The following ZNF76 variants were observed in gnomAD, a reference collection of about 807,000 sequenced individuals.
The protein encoded by ZNF76 is zinc finger protein 523.
Under a neutral mutation model 66.9 loss-of-function variants are expected in ZNF76, and 66 were observed. The ratio of observed to expected loss-of-function variants is 0.99; its 90% CI spans 0.81 to 1.21. The LOEUF is 1.21. Among genes scored for constraint, ZNF76 ranks in the 50% most tolerant of loss-of-function variants. The pLI, the probability that ZNF76 is intolerant of heterozygous loss-of-function variation, is 0.00. For missense variants in ZNF76, 729 were observed against 760.3 expected, an observed-to-expected ratio of 0.96 and a Z score of 0.48; for synonymous variants, 275 against 296.1, an observed-to-expected ratio of 0.93 and a Z score of 0.73.
chr6:35,268,859 C>T (rs1786555030), intron 1 of ZNF76, among the ~76,000 whole-genome samples: 1 of 152,068 alleles, frequency 6.6e-6, no homozygotes, highest in African/African-American at 2.4e-5. Context: ...TGGCCCTAAC[C>T]TGTTTTGAGT....
chr6:35,276,204 A>G (rs1787871758), intron 1 of ZNF76, among the ~76,000 whole-genome samples: 4 of 152,364 alleles, frequency 2.6e-5, no homozygotes, highest in South Asian at 4.1e-4. Flanking sequence ...TGATAAAAAT[A>G]AATATTAGCA....
chr6:35,286,397 G>A lies in ZNF76; in HGVS notation c.230G>A (p.Arg77Lys). The change falls in exon 4 of 14, where the codon AGA (arginine) becomes AAA (lysine). Residue 77 changes from arginine to lysine, a missense_variant and splice_region_variant. Physicochemically the swap from Arg to Lys is conservative, Grantham distance 26. Coordinates refer to ENST00000373953, the MANE Select transcript of ZNF76 (RefSeq NM_003427.5). ...ATGGCTTACATACACCGCACACCCA[G>A]AGGTAGGGTCACCATCATCACAACT... Reference protein sequence around the residue: ...GSMAYIHRTPREGYDPSTLEA... With the variant: ...GSMAYIHRTPKEGYDPSTLEA... 6.2e-7 allele frequency: 1 copy of A among 1,613,982 alleles called. No homozygotes were observed. Among genetic ancestry groups the A allele is most frequent in the Non-Finnish European group, 8.5e-7 (1 of 1,179,998 alleles).
chr6:35,270,323 G>C (rs535272273), intron 1 of ZNF76: 1 of 151,886 alleles, frequency 6.6e-6, no homozygotes, highest in African/African-American at 2.4e-5. Context: ...TTTTAGTAGA[G>C]ATGGGGTTTC....
chr6:35,262,367 T>TA (rs2150333242), intron 1 of ZNF76, among the ~76,000 whole-genome samples: 1 of 152,344 alleles, frequency 6.6e-6, no homozygotes, highest in Admixed American at 6.5e-5. Context: ...GTGACCTTCC[T>TA]ACTGCCATTT....
intron 1 of ZNF76, among the ~76,000 whole-genome samples, chr6:35,271,317 A>G (rs981041688): frequency 2.4e-4 from 37 of 152,384 alleles, no homozygotes; most frequent in African/African-American, 8.7e-4. Flanking sequence ...TCCCACCACC[A>G]GCAATGTATG....
intron 1 of ZNF76, among the ~76,000 whole-genome samples, chr6:35,280,516 T>TCCCCCCCC (rs5875514): frequency 1.5e-4 from 15 of 97,630 alleles, no homozygotes; most frequent in African/African-American, 1.8e-4. Flanking sequence ...TCAAGCATGA[T>TCCCCCCCC]CCCCCCCCCC....
In ZNF76 at chr6:35,287,656, C is replaced by T; in HGVS notation, c.243C>T (p.Asp81=). 6.2e-7 allele frequency: 1 copy of T among 1,611,878 alleles called. No homozygotes were observed. The highest frequency in any genetic ancestry group is 8.5e-7 in the Non-Finnish European group (1 of 1,178,762). ...GCGTGTTCCCTGCAGAAGGCTATGA[C>T]CCCAGCACCCTGGAAGCCGTCCAAC... The part of the protein sequence containing the change: ...YIHRTPREGY[D]PSTLEAVQLE... The change falls in exon 5 of 14, where the codon GAC becomes GAT. Residue 81 remains aspartate, a synonymous_variant. Coordinates refer to ENST00000373953, the MANE Select transcript of ZNF76 (RefSeq NM_003427.5). This position sits in a 1 kb window ranked among gnomAD's most constrained non-coding sequence, Gnocchi z 4.0.
intron 5 of ZNF76, 88 bp from the exon 6 acceptor site, chr6:35,290,178 G>T: frequency 6.4e-7 from 1 of 1,558,162 alleles, no homozygotes; most frequent in Non-Finnish European, 8.7e-7. Flanking sequence ...AACCCTGCCT[G>T]TTGGGTCTTA....
Position 35,290,391 on chromosome 6 carries a change from G to T in ZNF76, c.549+9G>T, listed in dbSNP as rs1192224544. 6.2e-7 allele frequency: 1 copy of T among 1,613,200 alleles called. No homozygotes were observed. Among genetic ancestry groups the T allele is most frequent in the Non-Finnish European group, 8.5e-7 (1 of 1,179,410 alleles). ...CCGCTCATCACTTAAAGGTAAGGTT[G>T]CTGGCAGACAGCCGTCAGCTCTGCA... On this transcript the variant is annotated intron_variant, in intron 6 of 13. Transcript: ENST00000373953.
chr6:35,292,509 T>G lies in ZNF76; in HGVS notation c.932-45T>G. 5 of 1,546,816 alleles carry G rather than the reference T, an allele frequency of 3.2e-6. No individual in the cohort carries two copies. Among genetic ancestry groups the G allele is most frequent in the Non-Finnish European group, 3.5e-6 (4 of 1,132,094 alleles). On this transcript the variant is annotated intron_variant, in intron 9 of 13. Transcript: ENST00000373953. The surrounding 1 kb of genome is among the most constrained non-coding windows in gnomAD (Gnocchi z 4.7). ...CACCCCTGTCCCCTTAGTTTCCCCC[T>G]TGCCAGCCCCAGTTCCCACCCCCCT...
chr6:35,277,941 G>A (rs1039261509), intron 1 of ZNF76, among the ~76,000 whole-genome samples: 2 of 151,988 alleles, frequency 1.3e-5, no homozygotes, highest in Non-Finnish European at 1.5e-5. Context: ...CTCACTGCAA[G>A]CTCCGCCTCC....
At chr6:35,266,013 A>G (rs183639270) in intron 1 of ZNF76, among the ~76,000 whole-genome samples, 23 of 152,338 alleles carry the variant, frequency 1.5e-4, no homozygotes, top group Admixed American at 1.2e-3. Flanking sequence ...AGTCTAAACA[A>G]GAGAAGTTGG....
At chr6:35,289,453 T>C (rs1175402020) in intron 5 of ZNF76, among the ~76,000 whole-genome samples, 1 of 152,196 alleles carries the variant, frequency 6.6e-6, no homozygotes, top group African/African-American at 2.4e-5. Flanking sequence ...CCCTGCTCAC[T>C]GTAACTTGTA....
intron 1 of ZNF76, among the ~76,000 whole-genome samples, chr6:35,276,972 T>C (rs1482053500): frequency 6.6e-6 from 1 of 150,982 alleles, no homozygotes; most frequent in African/African-American, 2.4e-5. Context: ...TATTTTTTTT[T>C]TTTTTTAGCA....
chr6:35,288,905 T>G (rs1489212326), intron 5 of ZNF76, among the ~76,000 whole-genome samples: 2 of 149,494 alleles, frequency 1.3e-5, no homozygotes, highest in Non-Finnish European at 3.0e-5. Flanking sequence ...GAGCTGAGAT[T>G]GTCCCACTGC....
chr6:35,292,055 G>A lies in ZNF76; in HGVS notation c.931+318G>A, dbSNP rs984207051. The A allele has an allele frequency of 4.2e-6, 2 of 476,420 alleles. No individual in the cohort carries two copies. Among genetic ancestry groups the A allele is most frequent in the African/African-American group, 3.9e-5 (2 of 51,304 alleles). The allele number at this position is 476,420 out of a possible 1,614,324, so 29.5% of individuals were successfully genotyped here. A position where few individuals can be genotyped will look rare whatever the true frequency, so the allele number is the denominator to read the frequency against. ...AAAGAGGCCAGGGTCAGGAATGATGGGGAAGAAGCAGAGTGAACTGTCACC... is the reference window on the plus strand; with the variant it reads ...AAAGAGGCCAGGGTCAGGAATGATGAGGAAGAAGCAGAGTGAACTGTCACC... On this transcript the variant is annotated intron_variant, in intron 9 of 13. Coordinates refer to ENST00000373953, the MANE Select transcript of ZNF76 (RefSeq NM_003427.5). This position sits in a 1 kb window ranked among gnomAD's most constrained non-coding sequence, Gnocchi z 4.7.
rs189647032 is a variant in ZNF76, at chr6:35,270,960, C to T, written c.-96-10096C>T. Among the ~76,000 whole-genome samples, 50 of 152,226 alleles carry T rather than the reference C, an allele frequency of 3.3e-4. No individual in the cohort carries two copies. In the East Asian group the frequency reaches 8.9e-3, roughly 27 times the overall value. On this transcript the variant is annotated intron_variant, in intron 1 of 13. Transcript: ENST00000373953. The stretch of plus-strand genomic sequence containing the variant: ...TCACACCACTGCACTCCTGCCTAGG[C>T]GACAGAGCAAGACTTCGTCTCATAA...
At position 35,290,721 on chromosome 6, in the gene ZNF76, C is replaced by CCTGCCTGGTGGGCTG; in HGVS notation, c.625+8_625+22dup. On this transcript the variant is annotated splice_donor_region_variant and intron_variant, in intron 7 of 13. Coordinates refer to ENST00000373953, the MANE Select transcript of ZNF76 (RefSeq NM_003427.5). Reference sequence around the variant, plus strand: ...GTGGAAAGGCCTTTGCCACAGGTAACCTGCCTGGTGGGCTGCTTCCAGTTG... The same window carrying CCTGCCTGGTGGGCTG: ...GTGGAAAGGCCTTTGCCACAGGTAACCTGCCTGGTGGGCTGCTGCCTGGTGGGCTGCTTCCAGTTG... The CCTGCCTGGTGGGCTG allele has an allele frequency of 6.2e-7, 1 of 1,614,172 alleles. No individual in the cohort carries two copies. The highest frequency in any genetic ancestry group is 8.5e-7 in the Non-Finnish European group (1 of 1,179,978).
At position 35,295,562 on chromosome 6, in the gene ZNF76, T is replaced by C. The variant is rs913284859; in HGVS notation, c.*314T>C. On this transcript the variant is annotated 3_prime_UTR_variant, in exon 14 of 14. Coordinates refer to ENST00000373953, the MANE Select transcript of ZNF76 (RefSeq NM_003427.5). ...AAGAACACCCTTCTGGCCCTCAGTC[T>C]GTTCCCCTTCTCAGGTAGAGATTGG... 1.3e-5 allele frequency: 5 copies of C among 385,282 alleles called. No homozygotes were observed. The highest frequency in any genetic ancestry group is 2.5e-5 in the Non-Finnish European group (5 of 199,070). 23.9% of individuals were successfully genotyped at this position (385,282 alleles called of 1,614,324 possible).
Sources: allele counts gnomAD v4.1 joint callset (sites outside exome capture counted in the v4.1 genomes callset), GRCh38; gene constraint gnomAD v4.1.1; non-coding constraint Gnocchi (gnomAD v3.1); transcripts MANE v1.5; gene names NCBI Gene and HGNC (gene_info 2026-07-23, HGNC 2026-07-21).